DCAF8L2: variants seen among roughly 807,000 people sequenced by gnomAD.
DCAF8L2 encodes the protein DDB1 and CUL4 associated factor 8 like 2.
For synonymous variants in DCAF8L2, 200 were observed against 190.9 expected (o/e 1.05, Z -0.39); for missense variants, 430 against 490.7 (o/e 0.88, Z 1.17).
At chrX:27,640,154 A>C (rs1928658396) in intron 2 of DCAF8L2, among the ~76,000 whole-genome samples, 1 of 111,673 alleles carries the variant, frequency 9.0e-6, no homozygotes, top group Non-Finnish European at 1.9e-5. Context: ...CATTCTCAGC[A>C]AACTATCGCA....
the DCAF8L2 span, among the ~76,000 whole-genome samples, chrX:27,492,087 A>G: frequency 1.8e-5 from 2 of 112,470 alleles, no homozygotes; most frequent in African/African-American, 6.4e-5. Flanking sequence ...CCTATAGCCC[A>G]GCAAACCACA....
chrX:27,519,873 C>A, the DCAF8L2 span: 1 of 291,470 alleles, frequency 3.4e-6, no homozygotes, highest in Non-Finnish European at 6.0e-6. Flanking sequence ...TAAATTTTTT[C>A]TTATGATATT....
chrX:27,485,139 A>T, the DCAF8L2 span, among the ~76,000 whole-genome samples: 2 of 111,758 alleles, frequency 1.8e-5, no homozygotes, highest in Non-Finnish European at 3.8e-5. Context: ...TGTGTGTTTG[A>T]TTTTTGCGAG....
the DCAF8L2 span, among the ~76,000 whole-genome samples, chrX:27,584,937 G>A: frequency 4.5e-5 from 5 of 111,582 alleles, no homozygotes; most frequent in Admixed American, 4.8e-4. Context: ...GTCAAGGATA[G>A]TGATAAACTT....
chrX:27,610,043 A>G (rs1303010698), intron 1 of DCAF8L2, among the ~76,000 whole-genome samples: 1 of 112,193 alleles, frequency 8.9e-6, no homozygotes, highest in African/African-American at 3.2e-5. Flanking sequence ...TTGTTAAGCC[A>G]TATATATTAA....
chrX:27,492,257 G>A, the DCAF8L2 span, among the ~76,000 whole-genome samples: 1 of 111,689 alleles, frequency 9.0e-6, no homozygotes, highest in African/African-American at 3.3e-5. Flanking sequence ...TCTCCTTAAT[G>A]TGGATGCATA....
intron 4 of DCAF8L2, among the ~76,000 whole-genome samples, chrX:27,735,583 C>T (rs946632617): frequency 8.9e-6 from 1 of 112,233 alleles, no homozygotes; most frequent in African/African-American, 3.2e-5. Context: ...TTAACTAGGA[C>T]TTGCAAAGTG....
rs73534397 is a variant in DCAF8L2 at position 27,721,675 on chromosome X, A to G, written c.-59+5504A>G. Among the ~76,000 whole-genome samples the G allele has an allele frequency of 7.7e-3, 864 of 111,903 alleles. 5 individuals are homozygous for G. Among genetic ancestry groups the G allele is most frequent in the African/African-American group, 0.026 (813 of 30,945 alleles). On this transcript the variant is annotated intron_variant, in intron 4 of 4. Transcript: ENST00000451261. ...AGCTCACAGAGGAAAGAAAAAAGAA[A>G]GCATTAAAACACAAAATAAGAAATA... is the stretch of plus-strand genomic sequence containing the variant.
At chrX:27,576,097 CA>C in the DCAF8L2 span, among the ~76,000 whole-genome samples, 8 of 112,293 alleles carry the variant, frequency 7.1e-5, no homozygotes, top group East Asian at 2.0e-3. Flanking sequence ...ATTAATAAGT[CA>C]AAGTATGTGT....
At chrX:27,722,848 A>C (rs908062698) in intron 4 of DCAF8L2, among the ~76,000 whole-genome samples, 5 of 111,137 alleles carry the variant, frequency 4.5e-5, no homozygotes, top group Non-Finnish European at 9.5e-5. Context: ...AGGAGGTAAA[A>C]GTATTTCATG....
chrX:27,526,001 G>A, the DCAF8L2 span, among the ~76,000 whole-genome samples: 2 of 111,295 alleles, frequency 1.8e-5, no homozygotes, highest in African/African-American at 6.5e-5. Context: ...ACAATTATGT[G>A]TCTTGGAGTT....
At chrX:27,600,466 G>A (rs922179620) in intron 1 of DCAF8L2, among the ~76,000 whole-genome samples, 3 of 111,671 alleles carry the variant, frequency 2.7e-5, no homozygotes, top group Non-Finnish European at 3.8e-5. Context: ...TGTAGCATGA[G>A]AGATTTATTT....
chrX:27,576,571 A>G, the DCAF8L2 span, among the ~76,000 whole-genome samples: 1 of 112,088 alleles, frequency 8.9e-6, no homozygotes, highest in African/African-American at 3.2e-5. Context: ...CCACATCTGG[A>G]AAACCTGGCT....
At chrX:27,498,382 G>A in the DCAF8L2 span, among the ~76,000 whole-genome samples, 3 of 112,327 alleles carry the variant, frequency 2.7e-5, no homozygotes, top group African/African-American at 9.7e-5. Flanking sequence ...ATGCTAGGAG[G>A]TATGAGGTGA....
intron 3 of DCAF8L2, among the ~76,000 whole-genome samples, chrX:27,702,923 G>T (rs1931184605): frequency 9.0e-6 from 1 of 111,079 alleles, no homozygotes; most frequent in South Asian, 3.7e-4. Context: ...ATTTTCAGAT[G>T]ACCTGACCTT....
the DCAF8L2 span, among the ~76,000 whole-genome samples, chrX:27,487,101 G>A: frequency 1.8e-5 from 2 of 111,516 alleles, no homozygotes; most frequent in African/African-American, 6.5e-5. Flanking sequence ...AACATAGAAT[G>A]TCTCTCCAGT....
the DCAF8L2 span, among the ~76,000 whole-genome samples, chrX:27,524,805 A>G: frequency 8.9e-6 from 1 of 111,760 alleles, no homozygotes; most frequent in Non-Finnish European, 1.9e-5. Flanking sequence ...GTCATTCAGG[A>G]GCAGGTTGTT....
intron 2 of DCAF8L2, among the ~76,000 whole-genome samples, chrX:27,661,288 C>T (rs1185424572): frequency 8.9e-6 from 1 of 111,954 alleles, no homozygotes; most frequent in Non-Finnish European, 1.9e-5. Flanking sequence ...TTGAGCTAAT[C>T]CTGGTTGGCT....
At chrX:27,720,438 A>G (rs912370506) in intron 4 of DCAF8L2, among the ~76,000 whole-genome samples, 18 of 110,800 alleles carry the variant, frequency 1.6e-4, no homozygotes, top group Admixed American at 1.9e-4. Context: ...CAGTGGCGCA[A>G]TCTCGGCTCA....
Sources: gnomAD v4.1 joint callset for allele counts (sites outside exome capture counted in the v4.1 genomes callset) on GRCh38, gnomAD v4.1.1 for gene constraint, MANE v1.5 for transcripts, NCBI Gene and HGNC (gene_info 2026-07-23, HGNC 2026-07-21) for gene names.